The following PAM variants were observed in gnomAD, a reference collection of about 807,000 sequenced individuals.
PAM encodes the protein peptidylglycine alpha-amidating monooxygenase.
In PAM, 72 loss-of-function variants were observed where a neutral mutation model predicts 122.1. The observed-to-expected ratio is 0.59, with a 90% CI of 0.49 to 0.72. The LOEUF is 0.72. PAM is among the 30% of genes least tolerant of loss of function. The pLI, the probability that PAM is intolerant of heterozygous loss-of-function variation, is 0.00. For synonymous variants in PAM, 389 were observed against 404.4 expected (o/e 0.96, Z 0.46); for missense variants, 1,106 against 1,183.7 (o/e 0.93, Z 0.96).
intron 1 of PAM, among the ~76,000 whole-genome samples, chr5:102,757,375 T>C (rs1288319741): frequency 6.6e-6 from 1 of 152,198 alleles, no homozygotes; most frequent in Non-Finnish European, 1.5e-5. Context: ...TTTGGTGAGT[T>C]TGCATAATTG....
chr5:103,021,626 CCT>C (rs1397579022), intron 23 of PAM, among the ~76,000 whole-genome samples: 2 of 152,108 alleles, frequency 1.3e-5, no homozygotes, highest in African/African-American at 2.4e-5. Flanking sequence ...AAATGTCTTG[CCT>C]TGACAGTCCA....
chr5:102,812,119 T>C (rs1046450782), intron 1 of PAM, among the ~76,000 whole-genome samples: 8 of 152,200 alleles, frequency 5.3e-5, no homozygotes, highest in Admixed American at 5.2e-4. Context: ...CTGTCGTTTA[T>C]GGATCTGGCA....
intron 5 of PAM, among the ~76,000 whole-genome samples, chr5:102,922,133 G>A (rs114240208): frequency 3.3e-5 from 5 of 151,984 alleles, no homozygotes; most frequent in South Asian, 2.1e-4. Context: ...AAAACTCACC[G>A]AGAGGTAAGT....
chr5:102,952,709 G>T (rs1759351983), intron 12 of PAM, among the ~76,000 whole-genome samples: 1 of 152,104 alleles, frequency 6.6e-6, no homozygotes, highest in Non-Finnish European at 1.5e-5. Flanking sequence ...ACAGCAATGT[G>T]TCTCTGTTTT....
At chr5:102,793,314 A>G (rs112654922) in intron 1 of PAM, among the ~76,000 whole-genome samples, 2,489 of 152,094 alleles carry the variant, frequency 0.016, 88 homozygotes, top group African/African-American at 0.056. Context: ...CCTTGAGCCC[A>G]GGAGTTTGGG....
chr5:102,938,417 C>A (rs1462325575), intron 7 of PAM, among the ~76,000 whole-genome samples: 2 of 152,176 alleles, frequency 1.3e-5, no homozygotes, highest in Admixed American at 1.3e-4. Context: ...AGAATATATT[C>A]AGAATGTTTT....
At chr5:102,843,470 C>T (rs370579656) in intron 1 of PAM, among the ~76,000 whole-genome samples, 28 of 152,200 alleles carry the variant, frequency 1.8e-4, no homozygotes, top group East Asian at 1.4e-3. Context: ...AGTTCTTAGA[C>T]GTGACACTAA....
intron 1 of PAM, among the ~76,000 whole-genome samples, chr5:102,863,914 C>T (rs1207371916): frequency 6.6e-6 from 1 of 150,988 alleles, no homozygotes; most frequent in Non-Finnish European, 1.5e-5. Context: ...ACCAACTTTG[C>T]TTCTACCCAC....
intron 4 of PAM, among the ~76,000 whole-genome samples, chr5:102,907,400 T>C (rs905337894): frequency 2.0e-5 from 3 of 151,464 alleles, no homozygotes. Context: ...GTTCCAAGTC[T>C]TTGCTATTGT....
chr5:102,796,467 A>G (rs1389981292), intron 1 of PAM, among the ~76,000 whole-genome samples: 3 of 152,066 alleles, frequency 2.0e-5, no homozygotes, highest in Admixed American at 6.6e-5. Flanking sequence ...AGAAAAATTG[A>G]TCTTCCTAGT....
At chr5:102,871,491 A>T (rs1399279253) in intron 3 of PAM, among the ~76,000 whole-genome samples, 1 of 151,912 alleles carries the variant, frequency 6.6e-6, no homozygotes, top group African/African-American at 2.4e-5. Context: ...AAACCTGGAT[A>T]AAGTACTCAA....
chr5:102,882,899 G>A (rs78669074), intron 3 of PAM, among the ~76,000 whole-genome samples: 41 of 151,756 alleles, frequency 2.7e-4, no homozygotes, highest in African/African-American at 9.6e-4. Flanking sequence ...TTTTTGTATA[G>A]GGTGAGAGAT....
intron 10 of PAM, 138 bp downstream of exon 10, chr5:102,949,755 T>C (rs1010147287): frequency 8.8e-6 from 6 of 684,312 alleles, no homozygotes; most frequent in African/African-American, 1.8e-5. Context: ...TATTTTATGC[T>C]GTTTTATCAT....
chr5:102,916,520 C>A (rs1803151160), intron 5 of PAM, among the ~76,000 whole-genome samples: 1 of 151,338 alleles, frequency 6.6e-6, no homozygotes, highest in African/African-American at 2.4e-5. Flanking sequence ...AAGCCCAACA[C>A]GTTTAAGTCT....
At chr5:102,901,277 G>C (rs1797759738) in intron 3 of PAM, 79 bp from the exon 4 acceptor site, 1 of 832,906 alleles carries the variant, frequency 1.2e-6, no homozygotes, top group Non-Finnish European at 2.0e-6. Context: ...TACAGTCATA[G>C]AAGCCACGTT....
intron 5 of PAM, among the ~76,000 whole-genome samples, chr5:102,919,640 A>G (rs563096301): frequency 6.6e-6 from 1 of 152,296 alleles, no homozygotes; most frequent in African/African-American, 2.4e-5. Flanking sequence ...CATTGAGTGC[A>G]GTAGCAATGT....
chr5:102,822,560 T>C (rs1214563087), intron 1 of PAM, among the ~76,000 whole-genome samples: 1 of 152,092 alleles, frequency 6.6e-6, no homozygotes, highest in African/African-American at 2.4e-5. Flanking sequence ...AATCGATTTT[T>C]TTTTTCTCCT....
intron 1 of PAM, among the ~76,000 whole-genome samples, chr5:102,839,008 A>G (rs1777817358): frequency 6.6e-6 from 1 of 152,186 alleles, no homozygotes; most frequent in South Asian, 2.1e-4. Flanking sequence ...AGAAAATTTC[A>G]TTACTTTTTT....
chr5:102,780,906 G>T (rs1758779022), intron 1 of PAM, among the ~76,000 whole-genome samples: 2 of 148,462 alleles, frequency 1.3e-5, no homozygotes, highest in Admixed American at 1.4e-4. Context: ...ATTCTTTGTT[G>T]TGGGGGCTGT....
Sources: allele counts gnomAD v4.1 joint callset (sites outside exome capture counted in the v4.1 genomes callset), GRCh38; gene constraint gnomAD v4.1.1; transcripts MANE v1.5; gene names NCBI Gene and HGNC (gene_info 2026-07-23, HGNC 2026-07-21).